DRC11: variants seen among roughly 807,000 people sequenced by gnomAD.
DRC11 encodes IQ and AAA domain-containing protein 1.
chr2:236,421,326 G>C, the DRC11 span, among the ~76,000 whole-genome samples: 5 of 151,946 alleles, frequency 3.3e-5, no homozygotes, highest in Non-Finnish European at 7.4e-5. Context: ...GACTAATAAA[G>C]AAGAAAAGAG....
chr2:236,422,507 C>A, the DRC11 span, among the ~76,000 whole-genome samples: 17 of 152,062 alleles, frequency 1.1e-4, no homozygotes, highest in African/African-American at 4.1e-4. Context: ...ACGTGAAGGA[C>A]CTCTTCAAGG....
chr2:236,365,266 G>A, the DRC11 span, among the ~76,000 whole-genome samples: 46 of 152,172 alleles, frequency 3.0e-4, no homozygotes, highest in South Asian at 9.1e-3. This position sits in a 1 kb window ranked among gnomAD's most constrained non-coding sequence, Gnocchi z 7.4. Context: ...GAGGCAAGCA[G>A]TGAGAAGGTC....
the DRC11 span, among the ~76,000 whole-genome samples, chr2:236,443,793 TCA>T: frequency 6.6e-6 from 1 of 152,332 alleles, no homozygotes; most frequent in East Asian, 1.9e-4. This position sits in a 1 kb window ranked among gnomAD's most constrained non-coding sequence, Gnocchi z 4.4. Flanking sequence ...TGAGGAATCG[TCA>T]CAGTCTTCCA....
At chr2:236,357,508 TTA>T in the DRC11 span, among the ~76,000 whole-genome samples, 1 of 127,220 alleles carries the variant, frequency 7.9e-6, no homozygotes, top group Admixed American at 8.4e-5. Flanking sequence ...TATTTACATA[TTA>T]TAAATATATT....
the DRC11 span, among the ~76,000 whole-genome samples, chr2:236,386,518 T>A: frequency 2.6e-5 from 4 of 152,152 alleles, no homozygotes; most frequent in African/African-American, 7.2e-5. Flanking sequence ...ATCCCCTTTA[T>A]CATTTTTTAT....
At chr2:236,498,035 GATAA>G in the DRC11 span, among the ~76,000 whole-genome samples, 1 of 152,136 alleles carries the variant, frequency 6.6e-6, no homozygotes, top group East Asian at 1.9e-4. Context: ...TAAGAGAGTG[GATAA>G]ATAAATTGTA....
chr2:236,462,084 T>C, the DRC11 span, among the ~76,000 whole-genome samples: 5 of 152,078 alleles, frequency 3.3e-5, no homozygotes, highest in African/African-American at 1.2e-4. This position sits in a 1 kb window ranked among gnomAD's most constrained non-coding sequence, Gnocchi z 6.4. Flanking sequence ...GCAGAAGCCC[T>C]GGGGTGGCTG....
chr2:236,425,279 A>G, the DRC11 span, among the ~76,000 whole-genome samples: 1 of 152,004 alleles, frequency 6.6e-6, no homozygotes, highest in East Asian at 1.9e-4. Flanking sequence ...TCCCACCAAC[A>G]GTGTACAAGG....
the DRC11 span, among the ~76,000 whole-genome samples, chr2:236,352,064 CAGAG>C: frequency 6.6e-6 from 1 of 152,118 alleles, no homozygotes; most frequent in Admixed American, 6.5e-5. This position sits in a 1 kb window ranked among gnomAD's most constrained non-coding sequence, Gnocchi z 7.0. Flanking sequence ...GAGAGGGTGA[CAGAG>C]AGCCCGGGGC....
the DRC11 span, among the ~76,000 whole-genome samples, chr2:236,456,969 G>C: frequency 6.6e-6 from 1 of 152,192 alleles, no homozygotes; most frequent in Non-Finnish European, 1.5e-5. The surrounding 1 kb of genome is among the most constrained non-coding windows in gnomAD (Gnocchi z 5.4). Context: ...TCAGTGGCAG[G>C]AGCCCGCAGT....
the DRC11 span, among the ~76,000 whole-genome samples, chr2:236,407,654 C>A: frequency 6.6e-6 from 1 of 152,120 alleles, no homozygotes; most frequent in Non-Finnish European, 1.5e-5. Flanking sequence ...CTCTGGAGTG[C>A]CCTGACTACA....
the DRC11 span, among the ~76,000 whole-genome samples, chr2:236,472,785 T>C: frequency 5.9e-5 from 9 of 152,270 alleles, no homozygotes; most frequent in Non-Finnish European, 7.4e-5. The surrounding 1 kb of genome is among the most constrained non-coding windows in gnomAD (Gnocchi z 4.6). Flanking sequence ...ACTGGTTAAG[T>C]ATGTCACTCA....
the DRC11 span, among the ~76,000 whole-genome samples, chr2:236,354,981 CTTTCT>C: frequency 6.6e-6 from 1 of 152,218 alleles, no homozygotes; most frequent in South Asian, 2.1e-4. Flanking sequence ...GTCTAGGGGC[CTTTCT>C]TTTGTGTTCT....
the DRC11 span, among the ~76,000 whole-genome samples, chr2:236,442,383 T>C: frequency 6.6e-6 from 1 of 152,146 alleles, no homozygotes; most frequent in African/African-American, 2.4e-5. Context: ...AGGAAGAAAA[T>C]CTGGCCTCAA....
the DRC11 span, among the ~76,000 whole-genome samples, chr2:236,403,135 G>T: frequency 1.3e-5 from 2 of 152,058 alleles, no homozygotes; most frequent in South Asian, 4.1e-4. Context: ...GAGGAGGAGG[G>T]GGAGGGGGAG....
the DRC11 span, among the ~76,000 whole-genome samples, chr2:236,451,957 G>C: frequency 6.6e-6 from 1 of 152,178 alleles, no homozygotes; most frequent in African/African-American, 2.4e-5. Flanking sequence ...ACAATTTCCA[G>C]TTCCTTTCAG....
At chr2:236,369,856 G>C in the DRC11 span, among the ~76,000 whole-genome samples, 2 of 152,204 alleles carry the variant, frequency 1.3e-5, no homozygotes, top group Non-Finnish European at 2.9e-5. The surrounding 1 kb of genome is among the most constrained non-coding windows in gnomAD (Gnocchi z 4.5). Context: ...TTCCACAGGG[G>C]AGGGAAGAAG....
the DRC11 span, among the ~76,000 whole-genome samples, chr2:236,325,080 C>T: frequency 6.6e-6 from 1 of 152,124 alleles, no homozygotes. This position sits in a 1 kb window ranked among gnomAD's most constrained non-coding sequence, Gnocchi z 4.4. Context: ...GCCTGTTTTT[C>T]CGGGGTTGGG....
chr2:236,485,418 G>A, the DRC11 span, among the ~76,000 whole-genome samples: 1 of 152,112 alleles, frequency 6.6e-6, no homozygotes, highest in Non-Finnish European at 1.5e-5. Context: ...CAATGTTCCT[G>A]TTTCAACATT....
Sources: allele counts gnomAD v4.1 joint callset (sites outside exome capture counted in the v4.1 genomes callset), GRCh38; gene constraint gnomAD v4.1.1; non-coding constraint Gnocchi (gnomAD v3.1); transcripts MANE v1.5; gene names NCBI Gene and HGNC (gene_info 2026-07-23, HGNC 2026-07-21).